ACTN2: variants seen among roughly 807,000 people sequenced by gnomAD.
ACTN2 encodes actinin alpha 2, also known as alpha-actinin-2.
Under a neutral mutation model 113.8 loss-of-function variants are expected in ACTN2, and 39 were observed. That is an observed-to-expected ratio of 0.34 (90% CI 0.27 to 0.45). The LOEUF is 0.45. ACTN2 is among the 20% of genes least tolerant of loss of function. The pLI is 1.00. For missense variants in ACTN2, 992 were observed against 1,177.9 expected, an observed-to-expected ratio of 0.84 and a Z score of 2.31; for synonymous variants, 429 against 444.1, an observed-to-expected ratio of 0.97 and a Z score of 0.43.
intron 1 of ACTN2, among the ~76,000 whole-genome samples, chr1:236,710,640 G>A (rs1395452119): frequency 6.6e-6 from 1 of 152,192 alleles, no homozygotes; most frequent in Non-Finnish European, 1.5e-5. Context: ...ACTGGTCCGT[G>A]ACCTGTTAGG....
At chr1:236,703,219 C>T (rs1442507452) in intron 1 of ACTN2, among the ~76,000 whole-genome samples, 1 of 152,156 alleles carries the variant, frequency 6.6e-6, no homozygotes, top group Admixed American at 6.5e-5. Context: ...CAGGATCAAT[C>T]AGATGTAAGG....
At chr1:236,759,630 G>C in intron 18 of ACTN2, 94 bp from the exon 19 acceptor site, 1 of 1,063,020 alleles carries the variant, frequency 9.4e-7, no homozygotes, top group East Asian at 2.4e-5. Flanking sequence ...AGAGCTCAAA[G>C]TGCTTCTCTT....
rs369293885 is a variant in ACTN2 at position 236,727,771 on chromosome 1, C to A, written c.615+15C>A. 6.2e-7 allele frequency: 1 copy of A among 1,613,766 alleles called. No homozygotes were observed. Among genetic ancestry groups the A allele is most frequent in the Non-Finnish European group, 8.5e-7 (1 of 1,179,712 alleles). On this transcript the variant is annotated intron_variant, in intron 6 of 20. Transcript: ENST00000366578. ...AGCTTAACAAGGTTATTCTGGGTGG[C>A]CTGGCATGCAGTGTCCCCAGCCACG...
At chr1:236,745,805 G>C (rs780580662) in intron 12 of ACTN2, among the ~76,000 whole-genome samples, 1 of 152,104 alleles carries the variant, frequency 6.6e-6, no homozygotes, top group Non-Finnish European at 1.5e-5. Flanking sequence ...TTTAGAGCCT[G>C]TCACATAATG....
intron 1 of ACTN2, among the ~76,000 whole-genome samples, chr1:236,699,232 C>T (rs1053457034): frequency 6.6e-5 from 10 of 152,180 alleles, no homozygotes; most frequent in Admixed American, 6.5e-4. Flanking sequence ...TTTCCACTTA[C>T]AAACCTCCTA....
chr1:236,704,171 T>G (rs1227386331), intron 1 of ACTN2, among the ~76,000 whole-genome samples: 1 of 152,104 alleles, frequency 6.6e-6, no homozygotes, highest in Non-Finnish European at 1.5e-5. Context: ...TACTGTAATT[T>G]GAGATCAACA....
intron 1 of ACTN2, among the ~76,000 whole-genome samples, chr1:236,688,675 T>A (rs1408651291): frequency 6.6e-6 from 1 of 152,186 alleles, no homozygotes; most frequent in Non-Finnish European, 1.5e-5. Flanking sequence ...TTGTACATGC[T>A]TGGGGGGCAA....
chr1:236,715,861 C>T (rs1396453449), intron 1 of ACTN2, among the ~76,000 whole-genome samples: 2 of 152,048 alleles, frequency 1.3e-5, no homozygotes, highest in Admixed American at 6.6e-5. Context: ...GTGGTTGAGG[C>T]GGGAGAATCA....
rs1221029928 is a variant in ACTN2, at chr1:236,727,712, C to T, written c.571C>T (p.His191Tyr). ...TGGCCTTGGACTCTGTGCCCTCATCCACCGACACCGGCCTGACCTCATTGA... is the reference window on the plus strand; with the variant it reads ...TGGCCTTGGACTCTGTGCCCTCATCTACCGACACCGGCCTGACCTCATTGA... The part of the protein sequence containing the change: ...KDGLGLCALI[H>Y]RHRPDLIDYS... Residue 191 changes from histidine to tyrosine, a missense_variant, in exon 6 of 21, where the codon CAC becomes TAC. Coordinates refer to ENST00000366578, the MANE Select transcript of ACTN2 (RefSeq NM_001103.4). The T allele has an allele frequency of 1.2e-6, 2 of 1,614,170 alleles. No homozygotes were observed. Among genetic ancestry groups the T allele is most frequent in the Admixed American group, 1.7e-5 (1 of 60,020 alleles).
At chr1:236,702,058 G>C (rs1259424806) in intron 1 of ACTN2, among the ~76,000 whole-genome samples, 1 of 152,186 alleles carries the variant, frequency 6.6e-6, no homozygotes, top group African/African-American at 2.4e-5. Context: ...GCAGTCCTAG[G>C]ATAGGGCAGT....
intron 1 of ACTN2, among the ~76,000 whole-genome samples, chr1:236,711,117 A>G (rs1658012755): frequency 6.6e-6 from 1 of 152,234 alleles, no homozygotes; most frequent in Non-Finnish European, 1.5e-5. Context: ...GAAGGCCTGT[A>G]TAGCCAGTGG....
At chr1:236,759,668 A>C in intron 18 of ACTN2, 56 bp from the exon 19 acceptor site, 2 of 1,441,048 alleles carry the variant, frequency 1.4e-6, no homozygotes, top group Non-Finnish European at 2.0e-6. Context: ...TTGGTCAAGT[A>C]GAGTTGCTCA....
chr1:236,718,058 T>G (rs1170697677), intron 2 of ACTN2, 86 bp downstream of exon 2: 4 of 1,086,196 alleles, frequency 3.7e-6, no homozygotes, highest in Non-Finnish European at 5.6e-6. Flanking sequence ...AGAAGTTCGC[T>G]TTGAACTTGG....
At position 236,720,175 on chromosome 1, in the gene ACTN2, G is replaced by GT. The variant is rs1346900583; in HGVS notation, c.432_433insT (p.Asp145Ter). Reference sequence around the variant, plus strand: ...CCATCATCCTTCGCTTTGCTATTCAGGATATTTCGGTTGAAGGTAAAAGAC... The same window carrying GT: ...CCATCATCCTTCGCTTTGCTATTCAGTGATATTTCGGTTGAAGGTAAAAGAC... On this transcript the variant is annotated frameshift_variant, in exon 4 of 21. Transcript: ENST00000366578. LOFTEE classifies it high-confidence loss of function. 1 of 1,613,156 alleles carries GT rather than the reference G, an allele frequency of 6.2e-7. No individual in the cohort carries two copies. The highest frequency in any genetic ancestry group is 8.5e-7 in the Non-Finnish European group (1 of 1,179,274).
At chr1:236,705,913 C>T (rs907509607) in intron 1 of ACTN2, among the ~76,000 whole-genome samples, 2 of 152,206 alleles carry the variant, frequency 1.3e-5, no homozygotes, top group African/African-American at 4.8e-5. Flanking sequence ...AAATGGAAAT[C>T]AGTCTTGTGA....
chr1:236,686,556 CG>C lies in ACTN2; in HGVS notation c.-117del. On this transcript the variant is annotated 5_prime_UTR_variant, in exon 1 of 21. Coordinates refer to ENST00000366578, the MANE Select transcript of ACTN2 (RefSeq NM_001103.4). The stretch of plus-strand genomic sequence containing the variant: ...AGGCGTGTCGCCCCGAGAGGAGCCG[CG>C]CGAAGGTCACCCCGCGCCCGCCGCC... The C allele has an allele frequency of 8.2e-7, 1 of 1,219,048 alleles. No individual in the cohort carries two copies. Among genetic ancestry groups the C allele is most frequent in the South Asian group, 2.2e-5 (1 of 44,518 alleles). 75.5% of individuals were successfully genotyped at this position (1,219,048 alleles called of 1,614,324 possible).
intron 1 of ACTN2, among the ~76,000 whole-genome samples, chr1:236,710,961 C>A (rs534158402): frequency 3.3e-5 from 5 of 152,040 alleles, no homozygotes; most frequent in African/African-American, 1.2e-4. Flanking sequence ...GGTTGGGGAC[C>A]GCTGTTCTAG....
rs771748768 is a variant in ACTN2 at position 236,686,825 on chromosome 1, G to C, written c.126+26G>C. ...GTCAGCAGGGGCCCGCGGGCCGCCC[G>C]CGCGTGGTGGGGCCGGGTCCCCCGC... On this transcript the variant is annotated intron_variant, in intron 1 of 20. Transcript: ENST00000366578. 3 of 1,450,624 alleles carry C rather than the reference G, an allele frequency of 2.1e-6. No homozygotes were observed. The East Asian group carries it at 8.8e-5, about 43-fold the overall frequency. 89.9% of individuals were successfully genotyped at this position (1,450,624 alleles called of 1,614,324 possible). A position where few individuals can be genotyped will look rare whatever the true frequency, so the allele number is the denominator to read the frequency against.
At chr1:236,743,847 C>G (rs1055395120) in intron 11 of ACTN2, among the ~76,000 whole-genome samples, 4 of 152,150 alleles carry the variant, frequency 2.6e-5, no homozygotes, top group Non-Finnish European at 5.9e-5. Context: ...CTTCAGTGTC[C>G]TCTTCGAAAT....
Sources: allele counts gnomAD v4.1 joint callset (sites outside exome capture counted in the v4.1 genomes callset), GRCh38; gene constraint gnomAD v4.1.1; transcripts MANE v1.5; gene names NCBI Gene and HGNC (gene_info 2026-07-23, HGNC 2026-07-21).